The following RTN4 variants were observed in gnomAD, a reference collection of about 807,000 sequenced individuals.
The protein encoded by RTN4 is reticulon 4.
RTN4 carries 32 observed loss-of-function variants against 90.4 expected under a neutral mutation model. That is an observed-to-expected ratio of 0.35 (90% CI 0.27 to 0.48). The LOEUF (loss-of-function observed/expected upper bound fraction) is 0.48, where lower values mean the gene tolerates loss of function less well. RTN4 is among the 20% of genes least tolerant of loss of function. RTN4 has a pLI of 0.99. For synonymous variants in RTN4, 629 were observed against 552.5 expected, an observed-to-expected ratio of 1.14 and a Z score of -1.94; for missense variants, 1,706 against 1,430.2, an observed-to-expected ratio of 1.19 and a Z score of -3.11.
chr2:55,135,691 C>T, the RTN4 span, among the ~76,000 whole-genome samples: 1 of 152,132 alleles, frequency 6.6e-6, no homozygotes, highest in Non-Finnish European at 1.5e-5. Flanking sequence ...TAATGAACAT[C>T]TCCGTCAACC....
chr2:55,110,038 G>A (rs1282099911), intron 1 of RTN4, among the ~76,000 whole-genome samples: 4 of 152,134 alleles, frequency 2.6e-5, no homozygotes, highest in African/African-American at 9.7e-5. Flanking sequence ...GCTGGGCGTG[G>A]TGGTTCACAC....
At chr2:55,079,473 G>T (rs1384793637) in intron 2 of RTN4, among the ~76,000 whole-genome samples, 3 of 152,176 alleles carry the variant, frequency 2.0e-5, no homozygotes, top group Non-Finnish European at 4.4e-5. Flanking sequence ...AGCAAGGAAA[G>T]CACACATGTC....
intron 1 of RTN4, among the ~76,000 whole-genome samples, chr2:55,029,222 T>C (rs1252974374): frequency 6.6e-6 from 1 of 152,116 alleles, no homozygotes; most frequent in East Asian, 1.9e-4. Context: ...AAAAGAAATC[T>C]ACCTTGCCAG....
intron 1 of RTN4, among the ~76,000 whole-genome samples, chr2:55,086,408 C>T (rs915869972): frequency 2.0e-5 from 3 of 151,958 alleles, no homozygotes; most frequent in Non-Finnish European, 4.4e-5. Flanking sequence ...CACCTGTAAT[C>T]CCAGAACGTT....
At chr2:55,036,659 A>G (rs1682713401) in intron 1 of RTN4, among the ~76,000 whole-genome samples, 2 of 151,782 alleles carry the variant, frequency 1.3e-5, no homozygotes, top group Admixed American at 1.3e-4. Context: ...TAAATCATAT[A>G]ATGAAATTCA....
chr2:55,095,231 G>A (rs1342048154), intron 1 of RTN4, among the ~76,000 whole-genome samples: 1 of 152,026 alleles, frequency 6.6e-6, no homozygotes, highest in Non-Finnish European at 1.5e-5. Context: ...GGCTGAGGCA[G>A]GAGAATCGCT....
At chr2:55,116,902 C>G (rs1668136319), upstream of RTN4, among the ~76,000 whole-genome samples, 1 of 114,826 alleles carries the variant, frequency 8.7e-6, no homozygotes, top group Non-Finnish European at 1.7e-5. Flanking sequence ...GAGATGGAGT[C>G]TTGCTCTGTC....
At chr2:55,052,170 A>T (rs1668105868), upstream of RTN4, among the ~76,000 whole-genome samples, 1 of 152,234 alleles carries the variant, frequency 6.6e-6, no homozygotes, top group Admixed American at 6.5e-5. Flanking sequence ...AACCCACAGG[A>T]CTATACAACA....
chr2:54,995,061 G>A lies in RTN4; in HGVS notation c.3014-7363C>T, dbSNP rs527299932. ...CGAGTTTGAGCCTGGTCAACATGGT[G>A]AAACCCCATCTCTACTAAAAATACA... On this transcript the variant is annotated intron_variant, in intron 3 of 8. Coordinates refer to ENST00000337526, the MANE Select transcript of RTN4 (RefSeq NM_020532.5). Among the ~76,000 whole-genome samples, 154 of 152,216 alleles carry A rather than the reference G, an allele frequency of 1.0e-3. 1 individual carries two copies. The highest frequency in any genetic ancestry group is 3.6e-3 in the African/African-American group (151 of 41,544).
At position 55,105,778 on chromosome 2, in the gene RTN4, C is replaced by A. The variant is rs190499308; in HGVS notation, c.-214+6742G>T. 1.8e-3 allele frequency among the ~76,000 whole-genome samples: 275 copies of A among 152,066 alleles called. 1 individual carries two copies. Among genetic ancestry groups the A allele is most frequent in the South Asian group, 7.9e-3 (38 of 4,826 alleles). ...CTTGTGACCAGGGATACAAGACCAA[C>A]CTGGGCAACATAGAGAGACACCCCG... On this transcript the variant is annotated intron_variant, in intron 1 of 3. Coordinates refer to the RTN4 transcript ENST00000427710.
At chr2:55,014,272 AACATAAGGT>A (rs1377946882) in intron 3 of RTN4, 1 of 152,154 alleles carries the variant, frequency 6.6e-6, no homozygotes, top group Non-Finnish European at 1.5e-5. Context: ...TAAAAAATTT[AACATAAGGT>A]ACCAAAAATG....
chr2:55,059,000 T>C (rs1023278909), intron 2 of RTN4, among the ~76,000 whole-genome samples: 1 of 152,066 alleles, frequency 6.6e-6, no homozygotes, highest in South Asian at 2.1e-4. Flanking sequence ...TGAGCCACCA[T>C]GCCTGGCCTA....
intron 2 of RTN4, among the ~76,000 whole-genome samples, chr2:55,071,189 A>G (rs1312844465): frequency 7.3e-6 from 1 of 136,886 alleles, no homozygotes. Context: ...TTTACTGGCC[A>G]CCAGGGGGTC....
intron 1 of RTN4, among the ~76,000 whole-genome samples, chr2:55,102,741 T>C (rs561276743): frequency 2.6e-5 from 4 of 152,130 alleles, no homozygotes; most frequent in Non-Finnish European, 5.9e-5. Flanking sequence ...AAAACAAAAC[T>C]CTATAGATTT....
chr2:55,022,681 C>T (rs1438353039), intron 3 of RTN4, among the ~76,000 whole-genome samples: 1 of 152,060 alleles, frequency 6.6e-6, no homozygotes, highest in Non-Finnish European at 1.5e-5. Flanking sequence ...GGACTCTAAC[C>T]CCAGTATTCC....
At chr2:55,100,985 A>C (rs1447338323) in intron 1 of RTN4, among the ~76,000 whole-genome samples, 2 of 152,002 alleles carry the variant, frequency 1.3e-5, no homozygotes, top group Non-Finnish European at 2.9e-5. Flanking sequence ...ATTTGTCAAG[A>C]GGAAAGTGTG....
chr2:55,104,843 G>C (rs1162604038), intron 1 of RTN4, among the ~76,000 whole-genome samples: 3 of 151,980 alleles, frequency 2.0e-5, no homozygotes, highest in Admixed American at 2.0e-4. Flanking sequence ...GTCTCATTCT[G>C]TCGCCCAGGC....
At chr2:54,988,552 C>T (rs1678759985) in intron 3 of RTN4, among the ~76,000 whole-genome samples, 1 of 152,068 alleles carries the variant, frequency 6.6e-6, no homozygotes, top group South Asian at 2.1e-4. Context: ...AATAACTCTG[C>T]TCTTAAGATC....
intron 3 of RTN4, chr2:55,010,064 A>G (rs1680519183): frequency 5.0e-6 from 8 of 1,611,604 alleles, no homozygotes; most frequent in Non-Finnish European, 1.7e-6. Flanking sequence ...AAAACTGAAT[A>G]AGAAATTAAA....
Sources: allele counts gnomAD v4.1 joint callset (sites outside exome capture counted in the v4.1 genomes callset), GRCh38; gene constraint gnomAD v4.1.1; transcripts MANE v1.5; gene names NCBI Gene and HGNC (gene_info 2026-07-23, HGNC 2026-07-21).